The following COL11A1 variants were observed in gnomAD, a reference collection of about 807,000 sequenced individuals.
COL11A1 encodes collagen type XI alpha 1 chain.
A neutral mutation model predicts 265.2 loss-of-function variants in COL11A1; 74 were observed. The ratio of observed to expected loss-of-function variants is 0.28; its 90% CI spans 0.23 to 0.34. The LOEUF (loss-of-function observed/expected upper bound fraction) is 0.34, where lower values mean the gene tolerates loss of function less well. COL11A1 is among the 10% of genes least tolerant of loss of function. The pLI is 1.00. For missense variants in COL11A1, 2,165 were observed against 2,263.6 expected, an observed-to-expected ratio of 0.96 and a Z score of 0.88; for synonymous variants, 816 against 727.6, an observed-to-expected ratio of 1.12 and a Z score of -1.96.
rs1663935496 is a variant in COL11A1 at position 102,989,686 on chromosome 1, G to T, written c.2341-115C>A. ...CGAGGGAAAATTATTTTTGAGAAAT[G>T]TGCATGGTAGTTGTGAAACTTCCTC... On this transcript the variant is annotated intron_variant, in intron 28 of 66. Coordinates refer to ENST00000370096, the MANE Select transcript of COL11A1 (RefSeq NM_001854.4). 16 of 601,022 alleles carry T rather than the reference G, an allele frequency of 2.7e-5. No individual in the cohort carries two copies. The South Asian group carries it at 4.3e-4, about 16-fold the overall frequency. 37.2% of individuals were successfully genotyped at this position (601,022 alleles called of 1,614,324 possible).
At chr1:102,993,048 C>A (rs1243305324) in intron 28 of COL11A1, among the ~76,000 whole-genome samples, 2 of 151,972 alleles carry the variant, frequency 1.3e-5, no homozygotes, top group Non-Finnish European at 2.9e-5. Context: ...CACTTTACAA[C>A]TCTCCTAGCA....
chr1:103,088,198 G>A (rs148279234), intron 1 of COL11A1, among the ~76,000 whole-genome samples: 131 of 152,190 alleles, frequency 8.6e-4, no homozygotes, highest in African/African-American at 3.0e-3. Context: ...GTAGTGAACC[G>A]CATCATTACA....
rs1427555518 is a variant in COL11A1 at position 103,004,460 on chromosome 1, C to A, written c.1928G>T (p.Gly643Val). Residue 643 changes from glycine to valine, a missense_variant, in exon 20 of 67, where the codon GGT (glycine) becomes GTT (valine). Gly to Val is a moderately radical substitution (Grantham distance 109). Coordinates refer to ENST00000370096, the MANE Select transcript of COL11A1 (RefSeq NM_001854.4). ...RGEDGEIGPRGLPGEAGPRGL... is the reference protein window; with the variant it reads ...RGEDGEIGPRVLPGEAGPRGL... ...GTTGCTTACAGCTTCACCTGGAAGA[C>A]CTCTTGGTCCAATTTCTCCATCTTC... The A allele has an allele frequency of 6.2e-7, 1 of 1,611,716 alleles. No homozygotes were observed. The highest frequency in any genetic ancestry group is 1.3e-5 in the African/African-American group (1 of 74,928).
chr1:102,898,146 T>C lies in COL11A1; in HGVS notation c.4281A>G (p.Gln1427=). ...TCACCATAGGACCAGGTGGTCCATC[T>C]TGGCCTGCAGCTCCAGGGAGACCTT... ...GEQGLPGAAG[Q]DGPPGPMGPP... The change falls in exon 57 of 67, where the codon CAA becomes CAG. Residue 1427 remains glutamine (Q), a synonymous_variant. Transcript: ENST00000370096. The C allele has an allele frequency of 1.3e-6, 2 of 1,537,318 alleles. No homozygotes were observed. Among genetic ancestry groups the C allele is most frequent in the South Asian group, 1.3e-5 (1 of 78,656 alleles).
chr1:102,958,319 C>G (rs977610921), intron 41 of COL11A1, among the ~76,000 whole-genome samples: 3 of 148,416 alleles, frequency 2.0e-5, no homozygotes, highest in African/African-American at 7.4e-5. Flanking sequence ...ACTCCTGATT[C>G]TTTTTTTTTT....
At chr1:103,007,583 C>A (rs565464928) in intron 15 of COL11A1, among the ~76,000 whole-genome samples, 19 of 151,970 alleles carry the variant, frequency 1.3e-4, no homozygotes, top group African/African-American at 7.2e-5. Flanking sequence ...AAAGACCCAG[C>A]GCGGTGAATC....
chr1:103,089,716 G>A (rs1673163969), intron 1 of COL11A1, among the ~76,000 whole-genome samples: 1 of 152,196 alleles, frequency 6.6e-6, no homozygotes, highest in African/African-American at 2.4e-5. Flanking sequence ...CATAGTTGAA[G>A]CATTTTTCCT....
At chr1:102,896,200 A>G (rs1388637799) in intron 57 of COL11A1, among the ~76,000 whole-genome samples, 1 of 109,120 alleles carries the variant, frequency 9.2e-6, no homozygotes, top group African/African-American at 3.4e-5. Context: ...TTATAAATGA[A>G]GAACTTAAAG....
At chr1:103,001,668 G>A in intron 24 of COL11A1, 1 of 542,926 alleles carries the variant, frequency 1.8e-6, no homozygotes, top group Non-Finnish European at 3.3e-6. Context: ...ATACCGTTAT[G>A]TTCCTGAAAT....
intron 1 of COL11A1, among the ~76,000 whole-genome samples, chr1:103,085,807 T>C (rs1672806279): frequency 6.6e-6 from 1 of 152,146 alleles, no homozygotes; most frequent in South Asian, 2.1e-4. Flanking sequence ...TTCTCTTACC[T>C]CATAACTAAG....
chr1:102,880,689 G>GA (rs142861301), intron 65 of COL11A1, among the ~76,000 whole-genome samples: 61 of 145,066 alleles, frequency 4.2e-4, no homozygotes, highest in East Asian at 1.0e-3. Flanking sequence ...ACTTAAATTT[G>GA]AAAAAAAAAA....
In COL11A1 at chr1:102,889,496, G is replaced by T; in HGVS notation, c.4423C>A (p.Leu1475Ile). The part of the protein sequence containing the change: ...GEQGEKGDRG[L>I]PGTQGSPGAK... ...CCTGGAGATCCTTGAGTTCCAGGGA[G>T]CCCTCGGTCACCTTTTTCCCCTTGT... Residue 1475 changes from leucine to isoleucine, a missense_variant, in exon 59 of 67, where the codon CTC (leucine) becomes ATC (isoleucine). Coordinates refer to ENST00000370096, the MANE Select transcript of COL11A1 (RefSeq NM_001854.4). 7.4e-6 allele frequency: 12 copies of T among 1,613,526 alleles called. No individual in the cohort carries two copies. The highest frequency in any genetic ancestry group is 1.0e-5 in the Non-Finnish European group (12 of 1,179,810).
At chr1:102,914,612 T>C (rs1254495795) in intron 51 of COL11A1, 92 bp downstream of exon 51, 4 of 1,038,636 alleles carry the variant, frequency 3.9e-6, no homozygotes, top group Non-Finnish European at 4.4e-6. Flanking sequence ...ACCATCTATG[T>C]TCCAGAGTCT....
At position 102,984,140 on chromosome 1, in the gene COL11A1, T is replaced by C; in HGVS notation, c.2554A>G (p.Lys852Glu). The stretch of plus-strand genomic sequence containing the variant: ...CTATAAATATCAAGCTGTTTTACCT[T>C]TGGACCTTGTCTTCCTGGATATCCT... ...LPGYPGRQGP[K>E]GSTGFPGFPG... The change falls in exon 31 of 67, where the codon AAG becomes GAG. Residue 852 changes from lysine to glutamate, a missense_variant and splice_region_variant. Coordinates refer to ENST00000370096, the MANE Select transcript of COL11A1 (RefSeq NM_001854.4). 1 of 1,598,886 alleles carries C rather than the reference T, an allele frequency of 6.3e-7. No homozygotes were observed. Among genetic ancestry groups the C allele is most frequent in the South Asian group, 1.1e-5 (1 of 90,150 alleles).
chr1:103,006,227 A>T (rs576209229), intron 16 of COL11A1, 35 bp downstream of exon 16: 36 of 1,325,018 alleles, frequency 2.7e-5, no homozygotes, highest in Non-Finnish European at 3.7e-5. Flanking sequence ...ATCATGGCAG[A>T]TGCCTTCAAA....
intron 4 of COL11A1, among the ~76,000 whole-genome samples, chr1:103,073,056 C>T (rs78846384): frequency 0.014 from 2,191 of 151,686 alleles, 41 homozygotes; most frequent in African/African-American, 0.05. Flanking sequence ...CTCTAGGATG[C>T]GAAGTAGCTT....
intron 4 of COL11A1, among the ~76,000 whole-genome samples, chr1:103,053,562 T>C (rs533324162): frequency 6.6e-6 from 1 of 152,252 alleles, no homozygotes; most frequent in East Asian, 1.9e-4. Flanking sequence ...GACAGACAAA[T>C]TCAGTGTGCA....
chr1:103,101,576 C>T (rs1397445527), intron 1 of COL11A1, among the ~76,000 whole-genome samples: 1 of 151,806 alleles, frequency 6.6e-6, no homozygotes, highest in Non-Finnish European at 1.5e-5. Flanking sequence ...AAGGTTCACT[C>T]CTTTAAGCCC....
chr1:102,994,906 A>G (rs1664478973), intron 28 of COL11A1, among the ~76,000 whole-genome samples: 1 of 152,128 alleles, frequency 6.6e-6, no homozygotes, highest in Admixed American at 6.6e-5. Context: ...TAGAAGGCAA[A>G]GGAGAAACAA....
Sources: allele counts gnomAD v4.1 joint callset (sites outside exome capture counted in the v4.1 genomes callset), GRCh38; gene constraint gnomAD v4.1.1; transcripts MANE v1.5; gene names NCBI Gene and HGNC (gene_info 2026-07-23, HGNC 2026-07-21).